ATP8A1: variants seen among roughly 807,000 people sequenced by gnomAD.
ATP8A1 encodes phospholipid-transporting ATPase IA.
A neutral mutation model predicts 177.7 loss-of-function variants in ATP8A1; 90 were observed. That is an observed-to-expected ratio of 0.51 (90% CI 0.43 to 0.60). The LOEUF (loss-of-function observed/expected upper bound fraction) is 0.60, where lower values mean the gene tolerates loss of function less well. Ranked by LOEUF, ATP8A1 falls within the 20% of genes least tolerant of loss-of-function variation. ATP8A1 has a pLI of 0.00. For synonymous variants in ATP8A1, 493 were observed against 485.9 expected (o/e 1.01, Z -0.19); for missense variants, 1,072 against 1,392.8 (o/e 0.77, Z 3.67).
At chr4:42,489,167 T>C (rs1166370776) in intron 24 of ATP8A1, among the ~76,000 whole-genome samples, 1 of 152,230 alleles carries the variant, frequency 6.6e-6, no homozygotes, top group Non-Finnish European at 1.5e-5. Context: ...TCTTTTAAGC[T>C]ATTGCCCAAG....
chr4:42,430,232 T>A (rs1715118678), intron 33 of ATP8A1, among the ~76,000 whole-genome samples: 1 of 152,188 alleles, frequency 6.6e-6, no homozygotes. Flanking sequence ...CTTCCACGTT[T>A]GCCTAGGCCC....
At chr4:42,427,774 T>C (rs1445134224) in intron 33 of ATP8A1, among the ~76,000 whole-genome samples, 1 of 152,222 alleles carries the variant, frequency 6.6e-6, no homozygotes, top group Non-Finnish European at 1.5e-5. Flanking sequence ...CAGCATCCTC[T>C]TGGAGAGTCA....
chr4:42,647,680 G>T (rs1740676293), intron 1 of ATP8A1, among the ~76,000 whole-genome samples: 1 of 151,590 alleles, frequency 6.6e-6, no homozygotes, highest in East Asian at 1.9e-4. Flanking sequence ...ATTTCTTTTA[G>T]TGCTGATCTG....
At chr4:42,524,226 T>A (rs1234349823) in intron 21 of ATP8A1, among the ~76,000 whole-genome samples, 3 of 152,152 alleles carry the variant, frequency 2.0e-5, no homozygotes, top group Non-Finnish European at 4.4e-5. Flanking sequence ...TTATCCTATT[T>A]TGGATTCTCA....
intron 1 of ATP8A1, among the ~76,000 whole-genome samples, chr4:42,655,319 A>G (rs1741505819): frequency 6.6e-6 from 1 of 152,228 alleles, no homozygotes; most frequent in African/African-American, 2.4e-5. Flanking sequence ...TGGAAAATAC[A>G]CAAGCCAATC....
At chr4:42,610,887 G>C (rs1577697772) in intron 5 of ATP8A1, among the ~76,000 whole-genome samples, 1 of 152,194 alleles carries the variant, frequency 6.6e-6, no homozygotes, top group Non-Finnish European at 1.5e-5. Flanking sequence ...CTACCGAACA[G>C]AGCAGATGTG....
chr4:42,628,013 A>C (rs1334085878), intron 1 of ATP8A1, among the ~76,000 whole-genome samples: 1 of 152,186 alleles, frequency 6.6e-6, no homozygotes, highest in Non-Finnish European at 1.5e-5. Flanking sequence ...CAAAACACTT[A>C]CCAGAAGGTT....
intron 32 of ATP8A1, 47 bp from the exon 33 acceptor site, chr4:42,443,719 G>GTC: frequency 1.2e-6 from 1 of 818,960 alleles, no homozygotes; most frequent in Non-Finnish European, 2.2e-6. Flanking sequence ...TGTAGACCGA[G>GTC]TACACAAATA....
chr4:42,474,483 T>G (rs1720830780), intron 25 of ATP8A1, among the ~76,000 whole-genome samples: 1 of 151,856 alleles, frequency 6.6e-6, no homozygotes, highest in Admixed American at 6.6e-5. Flanking sequence ...ATTCCAGGAG[T>G]ACATCCTCAG....
chr4:42,601,708 C>T (rs927611079), intron 5 of ATP8A1, among the ~76,000 whole-genome samples: 1 of 152,012 alleles, frequency 6.6e-6, no homozygotes, highest in Admixed American at 6.6e-5. Flanking sequence ...ATATTATATT[C>T]CCTGGAAACA....
chr4:42,442,398 C>T (rs1716730893), intron 33 of ATP8A1, among the ~76,000 whole-genome samples: 1 of 152,122 alleles, frequency 6.6e-6, no homozygotes, highest in Admixed American at 6.5e-5. Flanking sequence ...CAGTTGTATT[C>T]CTTTATTTCA....
rs879783474 is a variant in ATP8A1, at chr4:42,539,399, C to A, written c.1722+4518G>T. 1.3e-3 allele frequency among the ~76,000 whole-genome samples: 188 copies of A among 144,972 alleles called. 1 individual carries two copies. Among genetic ancestry groups the A allele is most frequent in the Admixed American group, 8.4e-3 (120 of 14,346 alleles). On this transcript the variant is annotated intron_variant, in intron 20 of 36. Coordinates refer to ENST00000381668, the MANE Select transcript of ATP8A1 (RefSeq NM_006095.2). Reference sequence around the variant, plus strand: ...TACTAAAAAATAAAATAAAATACCCCCCCCCCAACAAAAACAAAATACCAA... The same window carrying A: ...TACTAAAAAATAAAATAAAATACCCACCCCCCAACAAAAACAAAATACCAA...
chr4:42,578,585 C>T (rs1732711779), intron 11 of ATP8A1, among the ~76,000 whole-genome samples, 198 bp from the exon 12 acceptor site: 1 of 151,994 alleles, frequency 6.6e-6, no homozygotes, highest in South Asian at 2.1e-4. Context: ...GTTGTTAATC[C>T]AGGTAAGAGC....
intron 31 of ATP8A1, among the ~76,000 whole-genome samples, chr4:42,446,324 C>A (rs1212665203): frequency 6.6e-6 from 1 of 152,036 alleles, no homozygotes; most frequent in Non-Finnish European, 1.5e-5. Flanking sequence ...AAAGGAGACC[C>A]CCCAGATTTG....
intron 9 of ATP8A1, among the ~76,000 whole-genome samples, chr4:42,584,596 C>T (rs559920151): frequency 6.6e-6 from 1 of 152,286 alleles, no homozygotes; most frequent in South Asian, 2.1e-4. Flanking sequence ...TAAACTTGGT[C>T]TCCATCTCTT....
At chr4:42,601,835 T>C (rs1735304059) in intron 5 of ATP8A1, among the ~76,000 whole-genome samples, 1 of 152,186 alleles carries the variant, frequency 6.6e-6, no homozygotes, top group Admixed American at 6.5e-5. Flanking sequence ...CTGAACCCTC[T>C]AAAGCGATCA....
At chr4:42,634,132 T>C (rs566408130) in intron 1 of ATP8A1, among the ~76,000 whole-genome samples, 9 of 152,156 alleles carry the variant, frequency 5.9e-5, no homozygotes, top group Middle Eastern at 6.8e-3. Context: ...AGATGATGAG[T>C]CCTGGGTTAG....
chr4:42,409,136 A>C lies in ATP8A1; in HGVS notation c.*3780T>G, dbSNP rs1157511320. Reference sequence around the variant, plus strand: ...AGGTAGGCCGTGATAGAACTTTACAAGGCAGAAATAAACATCAAGATTTAC... The same window carrying C: ...AGGTAGGCCGTGATAGAACTTTACACGGCAGAAATAAACATCAAGATTTAC... On this transcript the variant is annotated 3_prime_UTR_variant, in exon 37 of 37. Coordinates refer to ENST00000381668, the MANE Select transcript of ATP8A1 (RefSeq NM_006095.2). 6.6e-6 allele frequency: 1 copy of C among 152,216 alleles called. No homozygotes were observed. 9.4% of individuals were successfully genotyped at this position (152,216 alleles called of 1,614,324 possible). A position where few individuals can be genotyped will look rare whatever the true frequency, so the allele number is the denominator to read the frequency against.
chr4:42,618,136 T>C (rs141066140), intron 4 of ATP8A1, among the ~76,000 whole-genome samples: 142 of 152,294 alleles, frequency 9.3e-4, no homozygotes, highest in African/African-American at 3.3e-3. Flanking sequence ...TCAGGATACA[T>C]AGTATGCAAT....
Sources: gnomAD v4.1 joint callset for allele counts (sites outside exome capture counted in the v4.1 genomes callset) on GRCh38, gnomAD v4.1.1 for gene constraint, MANE v1.5 for transcripts, NCBI Gene and HGNC (gene_info 2026-07-23, HGNC 2026-07-21) for gene names.